Variants in BLTP1 observed in about 807,000 individuals in gnomAD.
BLTP1 encodes fragile site-associated protein.
the BLTP1 span, chr4:122,156,045 GT>G: frequency 2.4e-6 from 2 of 842,602 alleles, no homozygotes; most frequent in Non-Finnish European, 2.9e-6. Flanking sequence ...GGGAAACTGA[GT>G]AGATTCTGGG....
At chr4:122,306,588 T>C in the BLTP1 span, 3 of 983,766 alleles carry the variant, frequency 3.0e-6, no homozygotes, top group Non-Finnish European at 3.6e-6. Context: ...ACCAGGGAGA[T>C]AAGGAAATGA....
At chr4:122,189,060 AG>A in the BLTP1 span, 1 of 984,526 alleles carries the variant, frequency 1.0e-6, no homozygotes, top group Non-Finnish European at 1.2e-6. Context: ...GTATGAGTGA[AG>A]GTATAATACT....
the BLTP1 span, chr4:122,271,434 A>G: frequency 1.2e-6 from 2 of 1,613,872 alleles, no homozygotes; most frequent in Non-Finnish European, 1.7e-6. Flanking sequence ...AGAGTAAATA[A>G]TGCAAAGAAC....
At chr4:122,284,923 G>A in the BLTP1 span, among the ~76,000 whole-genome samples, 104 of 152,282 alleles carry the variant, frequency 6.8e-4, no homozygotes, top group African/African-American at 2.4e-3. Flanking sequence ...TACTGTATAT[G>A]TGTACTCCCA....
the BLTP1 span, chr4:122,267,051 ATTTTTTTTTTT>A: frequency 7.4e-4 from 113 of 152,244 alleles, no homozygotes; most frequent in South Asian, 6.5e-3. Context: ...TAAGGAAGTA[ATTTTTTTTTTT>A]TTTTTTTTTT....
the BLTP1 span, chr4:122,324,328 A>G: frequency 8.0e-7 from 1 of 1,257,720 alleles, no homozygotes; most frequent in Non-Finnish European, 1.1e-6. Flanking sequence ...TCCCCTGGGG[A>G]AAACAACTTA....
At chr4:122,355,696 GA>G in the BLTP1 span, 1 of 1,247,696 alleles carries the variant, frequency 8.0e-7, no homozygotes, top group Non-Finnish European at 1.1e-6. Flanking sequence ...TCCAACTTTG[GA>G]AATAATAGTT....
At chr4:122,284,699 A>G in the BLTP1 span, among the ~76,000 whole-genome samples, 5 of 152,350 alleles carry the variant, frequency 3.3e-5, no homozygotes, top group African/African-American at 9.6e-5. Flanking sequence ...GAGAGAGACC[A>G]TATTTACAAA....
chr4:122,225,309 A>C, the BLTP1 span: 1 of 152,682 alleles, frequency 6.5e-6, no homozygotes, highest in African/African-American at 2.4e-5. Flanking sequence ...TAATCCTTAG[A>C]AGGCACAAAA....
chr4:122,158,294 A>G, the BLTP1 span, among the ~76,000 whole-genome samples: 1 of 152,204 alleles, frequency 6.6e-6, no homozygotes, highest in African/African-American at 2.4e-5. Context: ...CATTCGTGGT[A>G]GTTTCTATTT....
chr4:122,183,139 C>A, the BLTP1 span: 3 of 534,504 alleles, frequency 5.6e-6, no homozygotes, highest in Non-Finnish European at 7.2e-6. Context: ...AGTTTGAGAC[C>A]AACCTGGATA....
At chr4:122,183,090 C>A in the BLTP1 span, 1 of 870,012 alleles carries the variant, frequency 1.1e-6, no homozygotes, top group Non-Finnish European at 1.4e-6. Context: ...AATCCCAGCA[C>A]TTTGGAAGGC....
the BLTP1 span, chr4:122,240,042 C>A: frequency 6.2e-7 from 1 of 1,614,160 alleles, no homozygotes; most frequent in South Asian, 1.1e-5. Flanking sequence ...TTCCAGAACT[C>A]TGCCATTCAA....
the BLTP1 span, chr4:122,272,476 C>G: frequency 2.3e-6 from 3 of 1,280,018 alleles, no homozygotes; most frequent in Non-Finnish European, 3.2e-6. Context: ...AAGAAAACCA[C>G]TGCCATGTCT....
At chr4:122,211,033 C>A in the BLTP1 span, 2 of 1,609,322 alleles carry the variant, frequency 1.2e-6, no homozygotes, top group Non-Finnish European at 1.7e-6. Flanking sequence ...AGAAATGGAA[C>A]TTTCTCCAGA....
the BLTP1 span, chr4:122,239,384 TA>T: frequency 1.2e-6 from 1 of 823,666 alleles, no homozygotes; most frequent in Non-Finnish European, 1.8e-6. Flanking sequence ...TATTTTATTA[TA>T]AAATTGTAGA....
At chr4:122,244,878 A>G in the BLTP1 span, 78 of 1,068,384 alleles carry the variant, frequency 7.3e-5, no homozygotes. Flanking sequence ...ATTTCTAAAT[A>G]TGTGGCTTAG....
the BLTP1 span, among the ~76,000 whole-genome samples, chr4:122,295,504 GGCCAGAT>G: frequency 6.6e-6 from 1 of 151,838 alleles, no homozygotes; most frequent in Admixed American, 6.6e-5. Flanking sequence ...TTTCACATCT[GGCCAGAT>G]GTACAAAGAA....
the BLTP1 span, among the ~76,000 whole-genome samples, chr4:122,194,922 AAAAG>A: frequency 1.3e-5 from 2 of 152,302 alleles, no homozygotes; most frequent in African/African-American, 2.4e-5. Flanking sequence ...AAAGAAAAAA[AAAAG>A]AAATCTATTT....
Sources: gnomAD v4.1 joint callset for allele counts (sites outside exome capture counted in the v4.1 genomes callset) on GRCh38, gnomAD v4.1.1 for gene constraint, MANE v1.5 for transcripts, NCBI Gene and HGNC (gene_info 2026-07-23, HGNC 2026-07-21) for gene names.